The following MYH10 variants were observed in gnomAD, a reference collection of about 807,000 sequenced individuals.
The protein encoded by MYH10 is myosin-10.
Under a neutral mutation model 257.8 loss-of-function variants are expected in MYH10, and 55 were observed. That is an observed-to-expected ratio of 0.21 (90% CI 0.17 to 0.27). MYH10 has a LOEUF of 0.27. Among genes scored for constraint, MYH10 ranks in the 10% least tolerant of loss-of-function variants. MYH10 has a pLI of 1.00. For synonymous variants in MYH10, 854 were observed against 921.7 expected, an observed-to-expected ratio of 0.93 and a Z score of 1.33; for missense variants, 1,631 against 2,500.6, an observed-to-expected ratio of 0.65 and a Z score of 7.42.
chr17:8,476,090 T>C (rs1912550251), intron 42 of MYH10, 142 bp from the exon 43 acceptor site: 2 of 981,092 alleles, frequency 2.0e-6, no homozygotes, highest in African/African-American at 3.3e-5. Context: ...GGCGGTACGA[T>C]GGGGAAGGAC....
At chr17:8,542,936 T>C (rs1030487035) in intron 13 of MYH10, among the ~76,000 whole-genome samples, 1 of 152,330 alleles carries the variant, frequency 6.6e-6, no homozygotes, top group African/African-American at 2.4e-5. Context: ...AAAAGTGATA[T>C]TGGACTGCCC....
At chr17:8,558,176 CTTT>C (rs1322620576) in intron 7 of MYH10, among the ~76,000 whole-genome samples, 22 of 152,222 alleles carry the variant, frequency 1.4e-4, no homozygotes, top group African/African-American at 2.2e-4. Flanking sequence ...ATTTTCCCTT[CTTT>C]GAGATAGGCT....
At chr17:8,571,474 G>C (rs1250417138) in intron 6 of MYH10, among the ~76,000 whole-genome samples, 2 of 151,972 alleles carry the variant, frequency 1.3e-5, no homozygotes, top group Non-Finnish European at 2.9e-5. Flanking sequence ...TGATGACTGA[G>C]AGCCATTGTT....
intron 6 of MYH10, among the ~76,000 whole-genome samples, chr17:8,574,950 G>T (rs543973872): frequency 1.3e-5 from 2 of 152,252 alleles, no homozygotes; most frequent in South Asian, 4.1e-4. Context: ...AGTTGTGTTG[G>T]GGAAGAAAAA....
intron 19 of MYH10, 140 bp from the exon 20 acceptor site, chr17:8,519,090 T>C: frequency 1.7e-6 from 1 of 596,288 alleles, no homozygotes; most frequent in Non-Finnish European, 2.9e-6. Flanking sequence ...GTTCAAGAAA[T>C]GAACTGGTGA....
At position 8,589,024 on chromosome 17, in the gene MYH10, G is replaced by C; in HGVS notation, c.530+57C>G. 6 of 1,560,208 alleles carry C rather than the reference G, an allele frequency of 3.8e-6. No homozygotes were observed. In the South Asian group the frequency reaches 6.8e-5, roughly 18 times the overall value. On this transcript the variant is annotated intron_variant, in intron 4 of 42. Coordinates refer to ENST00000360416, the MANE Select transcript of MYH10 (RefSeq NM_001256012.3). ...TCTCCCCTCCCCCCAGACAAAAATAGTTGCTCCACTTTCCAAGAAAATCAA... is the reference window on the plus strand; with the variant it reads ...TCTCCCCTCCCCCCAGACAAAAATACTTGCTCCACTTTCCAAGAAAATCAA...
intron 23 of MYH10, among the ~76,000 whole-genome samples, chr17:8,513,090 T>C (rs1034985064): frequency 1.3e-5 from 2 of 152,198 alleles, no homozygotes; most frequent in Admixed American, 6.5e-5. Context: ...AGCCTCAGCT[T>C]TGTCCATGAA....
intron 21 of MYH10, among the ~76,000 whole-genome samples, chr17:8,518,025 C>CGTGTGTGTGTGTGTGTGTGTGTGTGTGT (rs34409328): frequency 8.1e-6 from 1 of 123,628 alleles, no homozygotes; most frequent in African/African-American, 3.1e-5. Context: ...CCCTTGGCCC[C>CGTGTGTGTGTGTGTGTGTGTGTGTGTGT]GTGTGTGTGT....
rs1300401757 is a variant in MYH10 at position 8,513,555 on chromosome 17, C to G, written c.2728G>C (p.Glu910Gln). 3 of 1,614,048 alleles carry G rather than the reference C, an allele frequency of 1.9e-6. 1 individual carries two copies. In the Admixed American group the frequency reaches 5.0e-5, roughly 27 times the overall value. ...GCACACACCTGCTGGTGCTTCCGCT[C>G]CATCTCCTCCAGCTCTCCTTCCACC... ...TKVEGELEEMERKHQQLLEEK... is the reference protein window; with the variant it reads ...TKVEGELEEMQRKHQQLLEEK... Residue 910 changes from glutamate (E) to glutamine (Q), a missense_variant, in exon 23 of 43, where the codon GAG becomes CAG. Transcript: ENST00000360416.
At chr17:8,576,619 A>G (rs2083506391) in intron 6 of MYH10, 24 bp downstream of exon 6, 2 of 1,548,178 alleles carry the variant, frequency 1.3e-6, no homozygotes. Context: ...CTCAAGACTA[A>G]GAAGCATAAA....
chr17:8,512,143 A>G (rs1026318956), intron 24 of MYH10, among the ~76,000 whole-genome samples: 2 of 152,242 alleles, frequency 1.3e-5, no homozygotes, highest in African/African-American at 2.4e-5. Flanking sequence ...AACATGAAGA[A>G]CAAGTTAGGT....
intron 14 of MYH10, 104 bp from the exon 15 acceptor site, chr17:8,536,035 T>C (rs971553153): frequency 1.8e-6 from 2 of 1,104,576 alleles, no homozygotes; most frequent in Non-Finnish European, 2.6e-6. Context: ...TGAAGATCCA[T>C]GGAAAACAAA....
chr17:8,524,628 C>A (rs1157085734), intron 17 of MYH10, among the ~76,000 whole-genome samples: 1 of 152,026 alleles, frequency 6.6e-6, no homozygotes, highest in Non-Finnish European at 1.5e-5. Flanking sequence ...AAGATGTCAT[C>A]GATCCACCCT....
chr17:8,618,659 T>C (rs1890428288), intron 2 of MYH10, among the ~76,000 whole-genome samples: 2 of 152,244 alleles, frequency 1.3e-5, no homozygotes, highest in African/African-American at 4.8e-5. Context: ...CAAGTCTTTT[T>C]ACCCATGCAT....
At chr17:8,539,852 G>C (rs956958408) in intron 14 of MYH10, among the ~76,000 whole-genome samples, 4 of 152,118 alleles carry the variant, frequency 2.6e-5, no homozygotes, top group African/African-American at 9.7e-5. Flanking sequence ...GCTTTCCAAA[G>C]CACTGGGATT....
intron 42 of MYH10, 112 bp downstream of exon 42, chr17:8,476,764 A>T: frequency 8.5e-7 from 1 of 1,174,262 alleles, no homozygotes; most frequent in Non-Finnish European, 1.2e-6. Flanking sequence ...CGGGAGAAAG[A>T]ATGGGTCACT....
At chr17:8,512,428 T>C in intron 24 of MYH10, 23 bp downstream of exon 24, 1 of 1,576,412 alleles carries the variant, frequency 6.3e-7, no homozygotes, top group South Asian at 1.2e-5. Context: ...AATATGCTTC[T>C]AAGTAAAAAT....
In MYH10 at chr17:8,515,645, C is replaced by T. The variant is rs1018819677; in HGVS notation, c.2505-1751G>A. Among the ~76,000 whole-genome samples the T allele has an allele frequency of 4.2e-5, 6 of 143,588 alleles. No homozygotes were observed. In the South Asian group the frequency reaches 9.2e-4, roughly 22 times the overall value. The allele number at this position is 143,588 out of a possible 152,430, so 94.2% of individuals were successfully genotyped here. A position where few individuals can be genotyped will look rare whatever the true frequency, so the allele number is the denominator to read the frequency against. ...GAAACCTCTGCCTCTTGGGCTCAAG[C>T]GATTCTCATGCCTCAGCCTCCCGAG... On this transcript the variant is annotated intron_variant, in intron 21 of 42. Transcript: ENST00000360416.
chr17:8,492,260 T>C, intron 34 of MYH10, 37 bp downstream of exon 34: 1 of 1,595,254 alleles, frequency 6.3e-7, no homozygotes, highest in South Asian at 1.1e-5. Context: ...TGGGATACTC[T>C]CCCGTGCGGA....
Sources: gnomAD v4.1 joint callset for allele counts (sites outside exome capture counted in the v4.1 genomes callset) on GRCh38, gnomAD v4.1.1 for gene constraint, MANE v1.5 for transcripts, NCBI Gene and HGNC (gene_info 2026-07-23, HGNC 2026-07-21) for gene names.